The following SSH2 variants were observed in gnomAD, a reference collection of about 807,000 sequenced individuals.
The protein encoded by SSH2 is slingshot protein phosphatase 2, also known as protein phosphatase Slingshot homolog 2.
SSH2 carries 37 observed loss-of-function variants against 135.2 expected under a neutral mutation model. The ratio of observed to expected loss-of-function variants is 0.27; its 90% CI spans 0.21 to 0.36. SSH2 has a LOEUF of 0.36. Ranked by LOEUF, SSH2 falls within the 10% of genes least tolerant of loss-of-function variation. The pLI is 1.00. For missense variants in SSH2, 1,408 were observed against 1,765.3 expected (o/e 0.80, Z 3.63); for synonymous variants, 628 against 646.2 (o/e 0.97, Z 0.43).
intron 3 of SSH2, among the ~76,000 whole-genome samples, chr17:29,730,546 T>C (rs2151185666): frequency 6.6e-6 from 1 of 151,638 alleles, no homozygotes; most frequent in South Asian, 2.1e-4. Flanking sequence ...GGTAATCATC[T>C]CACTTCAGCC....
At chr17:29,872,105 T>A (rs1353351358) in intron 1 of SSH2, among the ~76,000 whole-genome samples, 1 of 152,246 alleles carries the variant, frequency 6.6e-6, no homozygotes, top group Admixed American at 6.5e-5. Context: ...TTATGATTGC[T>A]CTTTGTTTTC....
chr17:29,678,040 C>G (rs961418238), intron 6 of SSH2, among the ~76,000 whole-genome samples: 1 of 151,950 alleles, frequency 6.6e-6, no homozygotes, highest in Non-Finnish European at 1.5e-5. Context: ...TTGCTGCTGA[C>G]TTGCATTTGG....
At chr17:29,828,403 G>A (rs2042783011) in intron 2 of SSH2, among the ~76,000 whole-genome samples, 1 of 152,028 alleles carries the variant, frequency 6.6e-6, no homozygotes, top group Admixed American at 6.6e-5. Flanking sequence ...AAACTCCCTA[G>A]GACTCCTACA....
At chr17:29,781,626 C>T (rs1039675317) in intron 3 of SSH2, among the ~76,000 whole-genome samples, 1 of 151,174 alleles carries the variant, frequency 6.6e-6, no homozygotes, top group Non-Finnish European at 1.5e-5. Context: ...ACTACAGGTG[C>T]GTGCCACCAC....
Position 29,874,372 on chromosome 17 carries a change from T to C in SSH2, c.64-25443A>G, listed in dbSNP as rs1020258322. On this transcript the variant is annotated intron_variant, in intron 1 of 15. Coordinates refer to ENST00000540801, the MANE Select transcript of SSH2 (RefSeq NM_001282129.2). ...AAATTTGGTTTTATAAATAAATATT[T>C]TGATATGGTTAGGCTTTGATATGGG... 3.9e-5 allele frequency among the ~76,000 whole-genome samples: 6 copies of C among 152,154 alleles called. No homozygotes were observed. The South Asian group carries it at 1.2e-3, about 31-fold the overall frequency.
chr17:29,755,222 G>A (rs899689201), intron 3 of SSH2, among the ~76,000 whole-genome samples: 6 of 152,086 alleles, frequency 3.9e-5, no homozygotes, highest in Non-Finnish European at 2.9e-5. Context: ...AACTTTTTAT[G>A]ATCATTCTCA....
At chr17:29,639,142 A>AAAG in intron 14 of SSH2, among the ~76,000 whole-genome samples, 1 of 152,166 alleles carries the variant, frequency 6.6e-6, no homozygotes, top group Non-Finnish European at 1.5e-5. Context: ...CTAAGGAGAC[A>AAAG]CGTGGAAAAA....
chr17:29,650,766 C>G lies in SSH2; in HGVS notation c.1114G>C (p.Asp372His). The G allele has an allele frequency of 6.2e-7, 1 of 1,613,902 alleles. No homozygotes were observed. Among genetic ancestry groups the G allele is most frequent in the African/African-American group, 1.3e-5 (1 of 75,028 alleles). Residue 372 changes from aspartate (D) to histidine (H), a missense_variant, in exon 13 of 16, where the codon GAT becomes CAT. Asp to His is a moderately conservative substitution (Grantham distance 81). Coordinates refer to ENST00000540801, the MANE Select transcript of SSH2 (RefSeq NM_001282129.2). Reference sequence around the variant, plus strand: ...TCAAAGACTCCTGGGAAGAAGTTATCTATCTCTCGAGTGACATTCAAGATA... The same window carrying G: ...TCAAAGACTCCTGGGAAGAAGTTATGTATCTCTCGAGTGACATTCAAGATA... ...RYILNVTREI[D>H]NFFPGVFEYH...
At chr17:29,888,535 T>C (rs2066283285) in intron 1 of SSH2, among the ~76,000 whole-genome samples, 2 of 152,118 alleles carry the variant, frequency 1.3e-5, no homozygotes, top group Admixed American at 1.3e-4. Flanking sequence ...CGTATAAGTG[T>C]AAAGCAAAAA....
chr17:29,856,464 A>G (rs1042944802), intron 1 of SSH2: 6 of 166,092 alleles, frequency 3.6e-5, no homozygotes, highest in African/African-American at 1.4e-4. Flanking sequence ...AGTCTCAGCT[A>G]TGCAAGAGGC....
chr17:29,712,591 G>A (rs2039475019), intron 3 of SSH2, among the ~76,000 whole-genome samples: 1 of 152,088 alleles, frequency 6.6e-6, no homozygotes, highest in Admixed American at 6.5e-5. Context: ...ATCACTTGAG[G>A]TCAGGAGTTC....
chr17:29,667,291 A>G, intron 9 of SSH2, 68 bp from the exon 10 acceptor site: 1 of 1,147,022 alleles, frequency 8.7e-7, no homozygotes, highest in Admixed American at 2.3e-5. Flanking sequence ...TAAATGGGAA[A>G]GAAAGAAGAA....
In SSH2 at chr17:29,631,915, G is replaced by T. The variant is rs1296318101; in HGVS notation, c.3279C>A (p.Pro1093=). 4 of 1,614,186 alleles carry T rather than the reference G, an allele frequency of 2.5e-6. No homozygotes were observed. Among genetic ancestry groups the T allele is most frequent in the Non-Finnish European group, 3.4e-6 (4 of 1,180,032 alleles). ...CTTGGGGGTGCAGAGAAACCTGGTT[G>T]GGGTCCAGAGTCCTGTTTAGATTTT... ...LDENLNRTLD[P]NQVSLHPQVL... is the part of the protein sequence containing the mutation. Residue 1093 remains proline (P), a synonymous_variant, in exon 16 of 16, where the codon CCC becomes CCA. Transcript: ENST00000540801.
intron 3 of SSH2, among the ~76,000 whole-genome samples, chr17:29,749,689 T>TAC (rs2151226447): frequency 6.6e-6 from 1 of 152,292 alleles, no homozygotes; most frequent in African/African-American, 2.4e-5. Flanking sequence ...ATAAACACCA[T>TAC]ACACTTAGGC....
intron 2 of SSH2, among the ~76,000 whole-genome samples, chr17:29,803,922 GAC>G (rs961622597): frequency 6.6e-6 from 1 of 152,202 alleles, no homozygotes; most frequent in Non-Finnish European, 1.5e-5. Context: ...TGGCAGTAAA[GAC>G]ACACAGTATG....
intron 12 of SSH2, among the ~76,000 whole-genome samples, chr17:29,653,712 G>A (rs1227604790): frequency 6.6e-6 from 1 of 152,020 alleles, no homozygotes; most frequent in Non-Finnish European, 1.5e-5. Context: ...TCAGCCACCT[G>A]AGTAGCTGGG....
At chr17:29,720,864 T>A (rs1017506191) in intron 3 of SSH2, among the ~76,000 whole-genome samples, 1 of 152,218 alleles carries the variant, frequency 6.6e-6, no homozygotes, top group Non-Finnish European at 1.5e-5. Flanking sequence ...GAAGTCACTG[T>A]CCTTAATTAC....
At chr17:29,814,087 G>C (rs1214895390) in intron 2 of SSH2, among the ~76,000 whole-genome samples, 1 of 98,676 alleles carries the variant, frequency 1.0e-5, no homozygotes, top group African/African-American at 4.2e-5. Context: ...CTGAGATGGC[G>C]CCACTGCACT....
chr17:29,678,472 T>C (rs1447830757), intron 6 of SSH2, among the ~76,000 whole-genome samples: 1 of 152,182 alleles, frequency 6.6e-6, no homozygotes, highest in African/African-American at 2.4e-5. Context: ...GAGGTTTACA[T>C]AGATTTACTT....
Sources: allele counts gnomAD v4.1 joint callset (sites outside exome capture counted in the v4.1 genomes callset), GRCh38; gene constraint gnomAD v4.1.1; transcripts MANE v1.5; gene names NCBI Gene and HGNC (gene_info 2026-07-23, HGNC 2026-07-21).